JAKMIP1: variants seen among roughly 807,000 people sequenced by gnomAD.
JAKMIP1 encodes janus kinase and microtubule interacting protein 1, also known as janus kinase and microtubule-interacting protein 1.
In JAKMIP1, 33 loss-of-function variants were observed where a neutral mutation model predicts 113.0. The ratio of observed to expected loss-of-function variants is 0.29; its 90% CI spans 0.22 to 0.39. The LOEUF is 0.39. Among genes scored for constraint, JAKMIP1 ranks in the 10% least tolerant of loss-of-function variants. The pLI is 1.00. For missense variants in JAKMIP1, 813 were observed against 1,080.5 expected (o/e 0.75, Z 3.47); for synonymous variants, 480 against 459.9 (o/e 1.04, Z -0.56).
intron 1 of JAKMIP1, among the ~76,000 whole-genome samples, chr4:6,173,090 G>C (rs1016770259): frequency 6.6e-6 from 1 of 152,164 alleles, no homozygotes; most frequent in Non-Finnish European, 1.5e-5. Context: ...AGATGTTCAC[G>C]CCTATCTGTG....
intron 1 of JAKMIP1, among the ~76,000 whole-genome samples, chr4:6,147,501 C>T (rs1721001081): frequency 1.3e-5 from 2 of 152,192 alleles, no homozygotes; most frequent in African/African-American, 4.8e-5. Context: ...GCTCTGCTGG[C>T]CCAAATGTCT....
Position 6,042,286 on chromosome 4 carries a change from T to C in JAKMIP1, c.2029-59A>G. 14 of 1,377,822 alleles carry C rather than the reference T, an allele frequency of 1.0e-5. No individual in the cohort carries two copies. Among genetic ancestry groups the C allele is most frequent in the Non-Finnish European group, 1.0e-6 (1 of 967,248 alleles). 85.3% of individuals were successfully genotyped at this position (1,377,822 alleles called of 1,614,324 possible). ...AAGTGAGAGTCAGAACCCAAGGGGC[T>C]GTGGAATTTCACAGGTGTGTGAATT... On this transcript the variant is annotated intron_variant, in intron 16 of 20. Transcript: ENST00000409021. This position sits in a 1 kb window ranked among gnomAD's most constrained non-coding sequence, Gnocchi z 5.2.
intron 1 of JAKMIP1, among the ~76,000 whole-genome samples, chr4:6,170,356 C>A (rs1724322874): frequency 2.0e-5 from 3 of 151,412 alleles, no homozygotes; most frequent in Middle Eastern, 3.4e-3. Flanking sequence ...TCACCACCAC[C>A]ACCACCACCT....
intron 1 of JAKMIP1, among the ~76,000 whole-genome samples, chr4:6,133,605 G>A (rs182594096): frequency 2.6e-5 from 4 of 152,286 alleles, no homozygotes; most frequent in East Asian, 1.9e-4. Context: ...GTGGGCAGGG[G>A]GCGCATGGAG....
chr4:6,038,932 A>T (rs968704229), intron 18 of JAKMIP1, among the ~76,000 whole-genome samples: 1 of 152,244 alleles, frequency 6.6e-6, no homozygotes, highest in Admixed American at 6.5e-5. Context: ...AAAGGGACAC[A>T]GGCTTGCATC....
rs1368557032 is a variant in JAKMIP1, at chr4:6,197,766, G to A, written c.-148+2487C>T. Among the ~76,000 whole-genome samples the A allele has an allele frequency of 6.6e-6, 1 of 152,234 alleles. No individual in the cohort carries two copies. Among genetic ancestry groups the A allele is most frequent in the Admixed American group, 6.5e-5 (1 of 15,284 alleles). On this transcript the variant is annotated intron_variant, in intron 1 of 20. Coordinates refer to ENST00000409021, the MANE Select transcript of JAKMIP1 (RefSeq NM_001099433.2). This position sits in a 1 kb window ranked among gnomAD's most constrained non-coding sequence, Gnocchi z 6.5. ...AGGCAGGGCCTGAATGGGAACCCTG[G>A]CAGTCTGGCTCAGAGCCTGAAGAGA...
chr4:6,088,327 G>A lies in JAKMIP1; in HGVS notation c.625-2698C>T, dbSNP rs571180144. ...AGGAAATCGGTAGGGGCAGTGGAGG[G>A]TGTTGCAAACCAACAGTTTGTCCAT... is the stretch of plus-strand genomic sequence containing the variant. On this transcript the variant is annotated intron_variant, in intron 3 of 20. Coordinates refer to ENST00000409021, the MANE Select transcript of JAKMIP1 (RefSeq NM_001099433.2). The surrounding 1 kb of genome is among the most constrained non-coding windows in gnomAD (Gnocchi z 5.5). Among the ~76,000 whole-genome samples the A allele has an allele frequency of 5.8e-4, 89 of 152,330 alleles. No homozygotes were observed. Among genetic ancestry groups the A allele is most frequent in the Non-Finnish European group, 1.1e-3 (72 of 68,036 alleles).
chr4:6,109,218 T>C (rs1362399880), intron 2 of JAKMIP1, among the ~76,000 whole-genome samples: 1 of 148,608 alleles, frequency 6.7e-6, no homozygotes, highest in Non-Finnish European at 1.5e-5. Flanking sequence ...CTGCAGGCTC[T>C]GCCTTCCAGG....
intron 3 of JAKMIP1, among the ~76,000 whole-genome samples, chr4:6,095,659 G>A (rs544463881): frequency 9.9e-5 from 15 of 152,266 alleles, no homozygotes; most frequent in African/African-American, 1.9e-4. Context: ...GAACACACAC[G>A]GTGCCATCTG....
Position 6,186,194 on chromosome 4 carries a change from A to G in JAKMIP1, c.-148+14059T>C, listed in dbSNP as rs1284179981. Among the ~76,000 whole-genome samples, 1 of 152,190 alleles carries G rather than the reference A, an allele frequency of 6.6e-6. No homozygotes were observed. Among genetic ancestry groups the G allele is most frequent in the Non-Finnish European group, 1.5e-5 (1 of 68,032 alleles). On this transcript the variant is annotated intron_variant, in intron 1 of 20. Coordinates refer to ENST00000409021, the MANE Select transcript of JAKMIP1 (RefSeq NM_001099433.2). This position sits in a 1 kb window ranked among gnomAD's most constrained non-coding sequence, Gnocchi z 5.5. ...GGAACAGCCGACGAGGCTTCCCTGG[A>G]GCTTGCCAGGGGCAGGTCAGGCGGA... is the stretch of plus-strand genomic sequence containing the variant.
chr4:6,123,905 T>G (rs1344317450), intron 1 of JAKMIP1, among the ~76,000 whole-genome samples: 1 of 152,212 alleles, frequency 6.6e-6, no homozygotes, highest in Admixed American at 6.5e-5. Context: ...TTATAGGAAA[T>G]TAACAAGGTG....
chr4:6,089,323 C>T lies in JAKMIP1; in HGVS notation c.625-3694G>A, dbSNP rs1721715618. On this transcript the variant is annotated intron_variant, in intron 3 of 20. Coordinates refer to ENST00000409021, the MANE Select transcript of JAKMIP1 (RefSeq NM_001099433.2). The surrounding 1 kb of genome is among the most constrained non-coding windows in gnomAD (Gnocchi z 5.3). ...TAAGCTGGTTTGATGGAATTTCTGT[C>T]ACTTGCGACCAAAAGAATCACAATC... Among the ~76,000 whole-genome samples, 1 of 152,242 alleles carries T rather than the reference C, an allele frequency of 6.6e-6. No homozygotes were observed. Among genetic ancestry groups the T allele is most frequent in the Non-Finnish European group, 1.5e-5 (1 of 68,044 alleles).
intron 1 of JAKMIP1, among the ~76,000 whole-genome samples, chr4:6,152,917 G>T (rs1307166657): frequency 1.3e-5 from 2 of 151,474 alleles, no homozygotes; most frequent in African/African-American, 4.8e-5. Context: ...GTTGCAGTGA[G>T]CCAAGATCAC....
At chr4:6,046,392 G>A (rs188481943) in intron 16 of JAKMIP1, among the ~76,000 whole-genome samples, 2 of 152,260 alleles carry the variant, frequency 1.3e-5, no homozygotes, top group Non-Finnish European at 2.9e-5. Context: ...TCTGGTTTAA[G>A]TCTATTCCTC....
At chr4:6,190,959 T>G (rs1394584728) in intron 1 of JAKMIP1, among the ~76,000 whole-genome samples, 1 of 152,132 alleles carries the variant, frequency 6.6e-6, no homozygotes, top group Non-Finnish European at 1.5e-5. Flanking sequence ...ATCCTGAGAG[T>G]CAACTGCCCT....
chr4:6,045,451 C>T (rs1714862610), intron 16 of JAKMIP1, among the ~76,000 whole-genome samples: 1 of 152,214 alleles, frequency 6.6e-6, no homozygotes. Flanking sequence ...GTCCTGATGA[C>T]TGGGCAGGGC....
At chr4:6,102,865 C>T (rs1001575632) in intron 3 of JAKMIP1, among the ~76,000 whole-genome samples, 5 of 150,590 alleles carry the variant, frequency 3.3e-5, no homozygotes, top group African/African-American at 1.2e-4. Flanking sequence ...TCCTGAGTAG[C>T]TGGGACTACA....
intron 3 of JAKMIP1, among the ~76,000 whole-genome samples, chr4:6,102,606 CTG>C (rs1348345357): frequency 2.0e-5 from 3 of 150,636 alleles, no homozygotes; most frequent in Admixed American, 6.6e-5. Flanking sequence ...GTTACCCAGT[CTG>C]TGTTATTTTG....
In JAKMIP1 at chr4:6,167,862, T is replaced by C. The variant is rs372046804; in HGVS notation, c.-148+32391A>G. Among the ~76,000 whole-genome samples, 7 of 152,238 alleles carry C rather than the reference T, an allele frequency of 4.6e-5. No individual in the cohort carries two copies. The East Asian group carries it at 1.3e-3, about 29-fold the overall frequency. On this transcript the variant is annotated intron_variant, in intron 1 of 20. Transcript: ENST00000409021. The surrounding 1 kb of genome is among the most constrained non-coding windows in gnomAD (Gnocchi z 5.3). ...GCACTGAATGCTTCGGTTTAGAGCA[T>C]GCCAGAAATCAGAGCTGGCTAGGAC...
Sources: gnomAD v4.1 joint callset for allele counts (sites outside exome capture counted in the v4.1 genomes callset) on GRCh38, gnomAD v4.1.1 for gene constraint, Gnocchi (gnomAD v3.1) non-coding constraint, MANE v1.5 for transcripts, NCBI Gene and HGNC (gene_info 2026-07-23, HGNC 2026-07-21) for gene names.